AMOTL1: variants seen among roughly 807,000 people sequenced by gnomAD.
AMOTL1 encodes the protein angiomotin like 1.
AMOTL1 carries 45 observed loss-of-function variants against 102.9 expected under a neutral mutation model. The ratio of observed to expected loss-of-function variants is 0.44; its 90% confidence interval spans 0.34 to 0.56. The LOEUF is 0.56. Ranked by LOEUF, AMOTL1 falls within the 20% of genes least tolerant of loss-of-function variation. The pLI is 0.01. For synonymous variants in AMOTL1, 481 were observed against 484.7 expected, an observed-to-expected ratio of 0.99 and a Z score of 0.10; for missense variants, 1,114 against 1,225.6, an observed-to-expected ratio of 0.91 and a Z score of 1.36.
intron 3 of AMOTL1, among the ~76,000 whole-genome samples, chr11:94,816,566 G>T (rs1326517258): frequency 1.3e-5 from 2 of 151,942 alleles, no homozygotes; most frequent in African/African-American, 4.8e-5. Context: ...TAATTCCTTT[G>T]CCATTGTTAT....
At chr11:94,749,717 T>C (rs1950629258) in intron 3 of AMOTL1, among the ~76,000 whole-genome samples, 1 of 152,208 alleles carries the variant, frequency 6.6e-6, no homozygotes, top group Non-Finnish European at 1.5e-5. Context: ...ATGGGGATAA[T>C]AATAGTACTG....
intron 3 of AMOTL1, among the ~76,000 whole-genome samples, chr11:94,808,299 A>G (rs59675288): frequency 0.024 from 3,645 of 152,132 alleles, 143 homozygotes; most frequent in African/African-American, 0.084. Flanking sequence ...TCACATGTAA[A>G]TTGTGTATTC....
chr11:94,840,303 A>T (rs929484892), intron 6 of AMOTL1, among the ~76,000 whole-genome samples: 1 of 152,182 alleles, frequency 6.6e-6, no homozygotes, highest in Non-Finnish European at 1.5e-5. Context: ...AGAACTTTTG[A>T]GGGGACAAAG....
chr11:94,761,058 G>T (rs2135501445), intron 3 of AMOTL1, among the ~76,000 whole-genome samples: 1 of 152,232 alleles, frequency 6.6e-6, no homozygotes, highest in African/African-American at 2.4e-5. Context: ...ACAGGAATAA[G>T]TCAATGTGCT....
chr11:94,849,992 A>T (rs758924127), intron 6 of AMOTL1, 122 bp from the exon 7 acceptor site: 14 of 1,142,696 alleles, frequency 1.2e-5, no homozygotes, highest in Admixed American at 1.1e-4. Flanking sequence ...AGAAACAGCA[A>T]TTCAGTCCTC....
At chr11:94,787,513 C>T (rs1248949233) in intron 1 of AMOTL1, among the ~76,000 whole-genome samples, 1 of 151,474 alleles carries the variant, frequency 6.6e-6, no homozygotes, top group Non-Finnish European at 1.5e-5. Flanking sequence ...CACGGTGAAA[C>T]CCCGTCTTTA....
chr11:94,814,265 A>G (rs917545822), intron 3 of AMOTL1, among the ~76,000 whole-genome samples: 3 of 152,242 alleles, frequency 2.0e-5, no homozygotes, highest in African/African-American at 7.2e-5. Context: ...ATGACAGTGC[A>G]GAAAAGGCAG....
chr11:94,717,758 T>C (rs1206566727), intron 1 of AMOTL1, among the ~76,000 whole-genome samples: 3 of 151,734 alleles, frequency 2.0e-5, no homozygotes, highest in African/African-American at 7.3e-5. Context: ...GAAATCAGAA[T>C]ACAACAATAA....
At chr11:94,723,015 A>G (rs994782733) in intron 1 of AMOTL1, among the ~76,000 whole-genome samples, 5 of 152,144 alleles carry the variant, frequency 3.3e-5, no homozygotes, top group South Asian at 2.1e-4. Context: ...GCCTACTGGC[A>G]GAAGTTAATG....
intron 1 of AMOTL1, among the ~76,000 whole-genome samples, chr11:94,724,067 C>T (rs148623091): frequency 0.01 from 1,523 of 152,202 alleles, 12 homozygotes; most frequent in Middle Eastern, 0.041. Context: ...TCCTAGATGA[C>T]GGAGATCTTA....
At chr11:94,797,614 A>G (rs990636684) in intron 2 of AMOTL1, among the ~76,000 whole-genome samples, 1 of 152,256 alleles carries the variant, frequency 6.6e-6, no homozygotes, top group Non-Finnish European at 1.5e-5. Context: ...GGGCTGTAGC[A>G]GGAAAGGTTT....
intron 11 of AMOTL1, 152 bp downstream of exon 11, chr11:94,866,320 A>G (rs761143438): frequency 2.7e-6 from 2 of 730,582 alleles, no homozygotes; most frequent in Non-Finnish European, 2.2e-6. Context: ...TACTTCAGTT[A>G]TAGATATGTG....
chr11:94,718,068 A>G (rs1950122189), intron 1 of AMOTL1, among the ~76,000 whole-genome samples: 1 of 151,992 alleles, frequency 6.6e-6, no homozygotes, highest in South Asian at 2.1e-4. Context: ...CATACTCTCA[A>G]GCTTGAAATC....
intron 2 of AMOTL1, among the ~76,000 whole-genome samples, chr11:94,736,023 G>C (rs1228506542): frequency 6.6e-6 from 1 of 152,116 alleles, no homozygotes; most frequent in East Asian, 1.9e-4. Context: ...TGTATAATCT[G>C]TTTCTATGGT....
At chr11:94,749,076 G>A (rs1430867926) in intron 3 of AMOTL1, among the ~76,000 whole-genome samples, 1 of 152,196 alleles carries the variant, frequency 6.6e-6, no homozygotes. Context: ...CTGCTCTTGT[G>A]ATTATGGAGG....
Position 94,800,014 on chromosome 11 carries a change from C to A in AMOTL1, c.824C>A (p.Ala275Asp), listed in dbSNP as rs1951443875. 1 of 1,613,914 alleles carries A rather than the reference C, an allele frequency of 6.2e-7. No homozygotes were observed. Among genetic ancestry groups the A allele is most frequent in the Non-Finnish European group, 8.5e-7 (1 of 1,179,904 alleles). ...CAGCTGTCCCTGGAGAGGAATGGGG[C>A]CAAGCAACACCTTCCCGGCTCGGGG... Reference protein sequence around the residue: ...IMQLSLERNGAKQHLPGSGNG... With the variant: ...IMQLSLERNGDKQHLPGSGNG... Residue 275 changes from alanine to aspartate, a missense_variant, in exon 3 of 13, where the codon GCC becomes GAC. Ala to Asp is a moderately radical substitution (Grantham distance 126). Coordinates refer to ENST00000433060, the MANE Select transcript of AMOTL1 (RefSeq NM_130847.3).
At position 94,850,071 on chromosome 11, in the gene AMOTL1, G is replaced by T. The variant is rs1046408929; in HGVS notation, c.1649-43G>T. 7 of 1,553,528 alleles carry T rather than the reference G, an allele frequency of 4.5e-6. No individual in the cohort carries two copies. The African/African-American group carries it at 9.5e-5, about 21-fold the overall frequency. On this transcript the variant is annotated intron_variant, in intron 6 of 12. Coordinates refer to ENST00000433060, the MANE Select transcript of AMOTL1 (RefSeq NM_130847.3). Reference sequence around the variant, plus strand: ...GACTGGCCGTGAGCCCAGAGGGTGTGCAATTTCTGATAGAGGTAGTTTTGT... The same window carrying T: ...GACTGGCCGTGAGCCCAGAGGGTGTTCAATTTCTGATAGAGGTAGTTTTGT...
chr11:94,793,313 A>C (rs1037108380), intron 1 of AMOTL1, among the ~76,000 whole-genome samples: 1 of 152,154 alleles, frequency 6.6e-6, no homozygotes, highest in East Asian at 1.9e-4. Flanking sequence ...GAATGAAGGC[A>C]CAGAAAGGTG....
intron 1 of AMOTL1, among the ~76,000 whole-genome samples, chr11:94,720,586 A>T (rs1037943855): frequency 6.6e-6 from 1 of 152,126 alleles, no homozygotes; most frequent in Non-Finnish European, 1.5e-5. Context: ...AAGAAATCTG[A>T]GAAGTGGCTG....
Sources: allele counts gnomAD v4.1 joint callset (sites outside exome capture counted in the v4.1 genomes callset), GRCh38; gene constraint gnomAD v4.1.1; transcripts MANE v1.5; gene names NCBI Gene and HGNC (gene_info 2026-07-23, HGNC 2026-07-21).